The following FHL2 variants were observed in gnomAD, a reference collection of about 807,000 sequenced individuals.
FHL2 encodes the protein four and a half LIM domains protein 2.
Under a neutral mutation model 32.7 loss-of-function variants are expected in FHL2, and 20 were observed. The ratio of observed to expected loss-of-function variants is 0.61; its 90% CI spans 0.43 to 0.89. FHL2 has a LOEUF of 0.89. FHL2 is among the 40% of genes least tolerant of loss of function. The probability of loss-of-function intolerance (pLI) is 0.00; values close to 1 mark genes in which losing one functional copy is unlikely to be tolerated. For synonymous variants in FHL2, 123 were observed against 128.1 expected (o/e 0.96, Z 0.27); for missense variants, 311 against 358.6 (o/e 0.87, Z 1.07).
chr2:105,423,238 A>C (rs4381801), intron 1 of FHL2, among the ~76,000 whole-genome samples: 66,093 of 152,038 alleles, frequency 0.43, 14,522 homozygotes, highest in Admixed American at 0.5. Context: ...ATGAAACATG[A>C]AGCTTTTAGA....
At chr2:105,369,057 AG>A in intron 4 of FHL2, among the ~76,000 whole-genome samples, 1 of 152,300 alleles carries the variant, frequency 6.6e-6, no homozygotes, top group South Asian at 2.1e-4. Flanking sequence ...GTAATAGTTG[AG>A]TAGTTGTGAC....
intron 1 of FHL2, among the ~76,000 whole-genome samples, chr2:105,407,977 A>T (rs1229436280): frequency 6.6e-6 from 1 of 152,214 alleles, no homozygotes; most frequent in Non-Finnish European, 1.5e-5. Flanking sequence ...CAAATGCTTT[A>T]AAAAATTTCT....
chr2:105,399,326 A>T (rs1202028179), upstream of FHL2: 1 of 1,535,712 alleles, frequency 6.5e-7, no homozygotes, highest in East Asian at 2.4e-5. Context: ...CGAGTTTCGG[A>T]CGAGGCCTGG....
At chr2:105,398,086 T>C (rs1050035042) in intron 1 of FHL2, among the ~76,000 whole-genome samples, 1 of 152,058 alleles carries the variant, frequency 6.6e-6, no homozygotes, top group Admixed American at 6.6e-5. Context: ...AGTGCGGGCC[T>C]TAAGTTCAGT....
At chr2:105,430,055 G>A (rs878961688) in intron 1 of FHL2, among the ~76,000 whole-genome samples, 1 of 152,180 alleles carries the variant, frequency 6.6e-6, no homozygotes, top group East Asian at 1.9e-4. Context: ...CTGGCAACCT[G>A]ACTCGTCAGC....
chr2:105,363,012 G>A (rs1680387195), intron 6 of FHL2: 2 of 414,216 alleles, frequency 4.8e-6, no homozygotes, highest in Non-Finnish European at 8.8e-6. Context: ...ACAGACTGCA[G>A]TTTTAGCGAT....
chr2:105,438,436 G>A lies in FHL2; in HGVS notation c.-62C>T, dbSNP rs182670369. 930 of 985,516 alleles carry A rather than the reference G, an allele frequency of 9.4e-4. 35 individuals are homozygous for A. The Admixed American group carries it at 0.051, about 54-fold the overall frequency. The allele number at this position is 985,516 out of a possible 1,614,324, so 61.0% of individuals were successfully genotyped here. ...GGTTCTGTCTTCTGTCCTCCAGCCC[G>A]ATGAGCAGGGACAGCTGCTGTGCAG... On this transcript the variant is annotated 5_prime_UTR_variant, in exon 1 of 6. Coordinates refer to the FHL2 transcript ENST00000393352.
chr2:105,400,657 C>A (rs1428200307), upstream of FHL2, among the ~76,000 whole-genome samples: 2 of 146,164 alleles, frequency 1.4e-5, no homozygotes, highest in African/African-American at 5.1e-5. Flanking sequence ...CATTTATCTT[C>A]TTTCTGATTC....
intron 3 of FHL2, among the ~76,000 whole-genome samples, chr2:105,379,114 A>G (rs913358844): frequency 1.3e-5 from 2 of 152,200 alleles, no homozygotes; most frequent in African/African-American, 2.4e-5. Flanking sequence ...CAGATTGACT[A>G]AACTTAAATC....
chr2:105,398,717 G>A, intron 1 of FHL2, 125 bp downstream of exon 1: 2 of 564,798 alleles, frequency 3.5e-6, no homozygotes, highest in Non-Finnish European at 5.4e-6. Flanking sequence ...CCAACCCCCA[G>A]GGTTCGGCTC....
At chr2:105,434,260 G>A (rs764208840) in intron 1 of FHL2, among the ~76,000 whole-genome samples, 1 of 152,200 alleles carries the variant, frequency 6.6e-6, no homozygotes, top group Non-Finnish European at 1.5e-5. Flanking sequence ...AATGCCAACT[G>A]GATCGGAAAG....
At chr2:105,426,287 C>G (rs1573406925) in intron 1 of FHL2, among the ~76,000 whole-genome samples, 1 of 152,312 alleles carries the variant, frequency 6.6e-6, no homozygotes, top group Admixed American at 6.5e-5. Flanking sequence ...AGCCACTTCC[C>G]ATCACCCCCA....
In FHL2 at chr2:105,396,666, C is replaced by T. The variant is rs1683148973; in HGVS notation, c.-44G>A. Reference sequence around the variant, plus strand: ...ACTCACCCCAAAGTCAAAATGCCAGCCTAGTCTCCAGGAAGACACAGTTCT... The same window carrying T: ...ACTCACCCCAAAGTCAAAATGCCAGTCTAGTCTCCAGGAAGACACAGTTCT... On this transcript the variant is annotated 5_prime_UTR_variant, in exon 2 of 7. Transcript: ENST00000530340. The T allele has an allele frequency of 5.0e-6, 8 of 1,612,822 alleles. No homozygotes were observed. Among genetic ancestry groups the T allele is most frequent in the Non-Finnish European group, 5.9e-6 (7 of 1,179,862 alleles).
intron 2 of FHL2, among the ~76,000 whole-genome samples, chr2:105,386,833 C>T (rs1276993802): frequency 5.3e-5 from 7 of 131,748 alleles, no homozygotes; most frequent in Admixed American, 2.7e-4. Context: ...GGTGCGATCT[C>T]GGCTCACTGC....
At chr2:105,382,894 T>C (rs992274947) in intron 3 of FHL2, among the ~76,000 whole-genome samples, 1 of 152,206 alleles carries the variant, frequency 6.6e-6, no homozygotes, top group African/African-American at 2.4e-5. Context: ...TTTTTTATTT[T>C]TATTTTTTTA....
At position 105,418,358 on chromosome 2, in the gene FHL2, C is replaced by T. The variant is rs565007523; in HGVS notation, c.-25+20041G>A. Among the ~76,000 whole-genome samples, 28 of 152,182 alleles carry T rather than the reference C, an allele frequency of 1.8e-4. No homozygotes were observed. In the South Asian group the frequency reaches 4.2e-3, roughly 23 times the overall value. ...CACCTGGGCCACAGGGAAACACTCTCCCCAACAGAAACCACTTATTTTCCT... is the reference window on the plus strand; with the variant it reads ...CACCTGGGCCACAGGGAAACACTCTTCCCAACAGAAACCACTTATTTTCCT... On this transcript the variant is annotated intron_variant, in intron 1 of 5. Coordinates refer to the FHL2 transcript ENST00000393352.
Position 105,430,348 on chromosome 2 carries a change from C to G in FHL2, c.-25+8051G>C, listed in dbSNP as rs1684392432. ...CTCCCTTAAAGCAGGTCAGAGAAGC[C>G]AGAACCACTCTTCCTCCAAAATAAA... On this transcript the variant is annotated intron_variant, in intron 1 of 5. Transcript: ENST00000393352. 2.0e-5 allele frequency among the ~76,000 whole-genome samples: 3 copies of G among 152,248 alleles called. No homozygotes were observed. The Middle Eastern group carries it at 0.01, about 518-fold the overall frequency.
chr2:105,413,841 G>A (rs1353055219), intron 1 of FHL2, among the ~76,000 whole-genome samples: 1 of 152,082 alleles, frequency 6.6e-6, no homozygotes, highest in Non-Finnish European at 1.5e-5. Flanking sequence ...CCCCAGATGG[G>A]GGTAATTTTC....
Position 105,367,152 on chromosome 2 carries a change from C to T in FHL2, c.501+418G>A, listed in dbSNP as rs72945006. Among the ~76,000 whole-genome samples the T allele has an allele frequency of 3.4e-3, 524 of 152,286 alleles. 1 individual carries two copies. Among genetic ancestry groups the T allele is most frequent in the African/African-American group, 0.011 (445 of 41,560 alleles). Reference sequence around the variant, plus strand: ...TCTCCTTTACTTTTCTTCTCACATCCGTCTCTCTCTCCTCCCTTCCTCTCC... The same window carrying T: ...TCTCCTTTACTTTTCTTCTCACATCTGTCTCTCTCTCCTCCCTTCCTCTCC... On this transcript the variant is annotated intron_variant, in intron 5 of 6. Transcript: ENST00000530340.
Sources: gnomAD v4.1 joint callset for allele counts (sites outside exome capture counted in the v4.1 genomes callset) on GRCh38, gnomAD v4.1.1 for gene constraint, MANE v1.5 for transcripts, NCBI Gene and HGNC (gene_info 2026-07-23, HGNC 2026-07-21) for gene names.